MAP2K1: variants seen among roughly 807,000 people sequenced by gnomAD.
MAP2K1 encodes dual specificity mitogen-activated protein kinase kinase 1.
Under a neutral mutation model 46.3 loss-of-function variants are expected in MAP2K1, and 16 were observed. The ratio of observed to expected loss-of-function variants is 0.35; its 90% CI spans 0.23 to 0.52. MAP2K1 has a LOEUF of 0.52. Among genes scored for constraint, MAP2K1 ranks in the 20% least tolerant of loss-of-function variants. The pLI, the probability that MAP2K1 is intolerant of heterozygous loss-of-function variation, is 0.94. For missense variants in MAP2K1, 263 were observed against 497.1 expected (o/e 0.53, Z 4.48); for synonymous variants, 183 against 185.6 (o/e 0.99, Z 0.11).
intron 5 of MAP2K1, among the ~76,000 whole-genome samples, chr15:66,455,047 A>G (rs1892131301): frequency 6.6e-6 from 1 of 152,110 alleles, no homozygotes; most frequent in African/African-American, 2.4e-5. Context: ...TAACAGTGCT[A>G]TTGCTGCTGG....
At chr15:66,452,563 G>T (rs557816766) in intron 5 of MAP2K1, among the ~76,000 whole-genome samples, 1 of 152,302 alleles carries the variant, frequency 6.6e-6, no homozygotes, top group African/African-American at 2.4e-5. Flanking sequence ...TAAGCATGGA[G>T]TTATGTTCTA....
intron 5 of MAP2K1, among the ~76,000 whole-genome samples, chr15:66,453,824 G>T (rs1284791971): frequency 6.6e-6 from 1 of 152,108 alleles, no homozygotes; most frequent in Non-Finnish European, 1.5e-5. Context: ...TTGAGACAGG[G>T]TCTTGCTCTG....
chr15:66,416,584 G>A (rs1321116007), intron 1 of MAP2K1, among the ~76,000 whole-genome samples: 1 of 152,116 alleles, frequency 6.6e-6, no homozygotes, highest in South Asian at 2.1e-4. Context: ...AGCACTCCCC[G>A]AGGTTTAGAT....
chr15:66,432,915 G>C (rs2093478252), intron 1 of MAP2K1, among the ~76,000 whole-genome samples: 2 of 150,912 alleles, frequency 1.3e-5, no homozygotes, highest in Non-Finnish European at 2.9e-5. Flanking sequence ...GAGGAAAGCA[G>C]TTTTTCTTCC....
intron 1 of MAP2K1, among the ~76,000 whole-genome samples, chr15:66,417,268 A>G (rs1217964027): frequency 1.3e-5 from 2 of 152,204 alleles, no homozygotes; most frequent in African/African-American, 2.4e-5. Context: ...TTCTACCCCT[A>G]GTTTAACATG....
chr15:66,387,509 A>G (rs935578413), intron 1 of MAP2K1, 82 bp downstream of exon 1: 1 of 1,392,668 alleles, frequency 7.2e-7, no homozygotes, highest in Admixed American at 2.0e-5. Flanking sequence ...CCAGGCTCCG[A>G]TCTGGTTTGT....
intron 5 of MAP2K1, among the ~76,000 whole-genome samples, chr15:66,449,599 G>T (rs1891979510): frequency 6.6e-6 from 1 of 152,184 alleles, no homozygotes; most frequent in South Asian, 2.1e-4. Context: ...GGTAACTGTA[G>T]GCTGGGTGCG....
intron 1 of MAP2K1, among the ~76,000 whole-genome samples, chr15:66,393,998 T>A (rs1400846795): frequency 6.6e-6 from 1 of 152,248 alleles, no homozygotes; most frequent in Non-Finnish European, 1.5e-5. Flanking sequence ...AGTATTTATC[T>A]TCTTCTGCCA....
At chr15:66,461,476 C>CTAAATAAATAAATAAA (rs10641341) in intron 5 of MAP2K1, among the ~76,000 whole-genome samples, 9 of 140,136 alleles carry the variant, frequency 6.4e-5, no homozygotes, top group South Asian at 2.4e-4. Context: ...GACTCTGTCT[C>CTAAATAAATAAATAAA]TAAATAAATA....
intron 1 of MAP2K1, among the ~76,000 whole-genome samples, chr15:66,400,096 A>G (rs2093377808): frequency 6.6e-6 from 1 of 152,184 alleles, no homozygotes; most frequent in South Asian, 2.1e-4. Flanking sequence ...AATGTACAGC[A>G]TTGCTGATTC....
intron 3 of MAP2K1, among the ~76,000 whole-genome samples, chr15:66,442,709 C>T (rs1357769751): frequency 1.3e-5 from 2 of 152,168 alleles, no homozygotes; most frequent in East Asian, 1.9e-4. Flanking sequence ...TTAATTCTGA[C>T]ACTACCAGAT....
intron 5 of MAP2K1, among the ~76,000 whole-genome samples, chr15:66,452,916 A>T (rs766727399): frequency 5.9e-5 from 9 of 152,238 alleles, no homozygotes; most frequent in Non-Finnish European, 1.2e-4. Context: ...AAATCTGGGA[A>T]CATGTCTAAT....
intron 10 of MAP2K1, chr15:66,490,016 G>T: frequency 1.7e-6 from 1 of 590,352 alleles, no homozygotes; most frequent in South Asian, 2.0e-5. Flanking sequence ...GAAAGAAAAG[G>T]CCAGCCCACC....
rs1357615026 is a variant in MAP2K1 at position 66,481,945 on chromosome 15, C to CT, written c.693+69dup. 8.9e-6 allele frequency: 14 copies of CT among 1,574,978 alleles called. No homozygotes were observed. The Admixed American group carries it at 2.5e-4, about 29-fold the overall frequency. On this transcript the variant is annotated intron_variant, in intron 6 of 10. Transcript: ENST00000307102. ...TCAGGGAGAGGAGCCCAGTGGGTGCCTTTCCTGTGGAGCCAGAGTCTTGTG... is the reference window on the plus strand; with the variant it reads ...TCAGGGAGAGGAGCCCAGTGGGTGCCTTTTCCTGTGGAGCCAGAGTCTTGTG...
intron 5 of MAP2K1, among the ~76,000 whole-genome samples, chr15:66,472,452 A>G (rs190947515): frequency 1.4e-4 from 21 of 152,260 alleles, no homozygotes; most frequent in Admixed American, 6.5e-4. Context: ...TCTCACTTCA[A>G]TTAGAAAGTT....
At chr15:66,397,615 T>C (rs1321635775) in intron 1 of MAP2K1, among the ~76,000 whole-genome samples, 2 of 152,238 alleles carry the variant, frequency 1.3e-5, no homozygotes, top group African/African-American at 2.4e-5. Context: ...TGATAAATCA[T>C]GTTGATTTAG....
rs560502893 is a variant in MAP2K1 at position 66,435,372 on chromosome 15, G to A, written c.291+135G>A. 2.1e-4 allele frequency: 139 copies of A among 651,982 alleles called. 1 individual carries two copies. The African/African-American group carries it at 2.3e-3, about 11-fold the overall frequency. The allele number at this position is 651,982 out of a possible 1,614,324, so 40.4% of individuals were successfully genotyped here. On this transcript the variant is annotated intron_variant, in intron 2 of 10. Coordinates refer to ENST00000307102, the MANE Select transcript of MAP2K1 (RefSeq NM_002755.4). ...TTGAATTTTTTTTTTTTTTTAAGAC[G>A]GAGTTTCATTCTTGTTGCCCAGGCT...
intron 5 of MAP2K1, among the ~76,000 whole-genome samples, chr15:66,461,344 G>A (rs1892314088): frequency 6.6e-6 from 1 of 152,020 alleles, no homozygotes; most frequent in South Asian, 2.1e-4. Context: ...AATTAGCCGG[G>A]TGTGGTGGTG....
chr15:66,399,558 C>G (rs1009875819), intron 1 of MAP2K1, among the ~76,000 whole-genome samples: 1 of 152,078 alleles, frequency 6.6e-6, no homozygotes, highest in African/African-American at 2.4e-5. Context: ...TCAAGTGATC[C>G]CTCCCCAGAG....
Sources: gnomAD v4.1 joint callset for allele counts (sites outside exome capture counted in the v4.1 genomes callset) on GRCh38, gnomAD v4.1.1 for gene constraint, MANE v1.5 for transcripts, NCBI Gene and HGNC (gene_info 2026-07-23, HGNC 2026-07-21) for gene names.